Variants in DMD observed in about 807,000 individuals in gnomAD.
DMD encodes the protein dystrophin.
Under a neutral mutation model 330.1 loss-of-function variants are expected in DMD, and 63 were observed. The observed-to-expected ratio is 0.19, with a 90% CI of 0.16 to 0.24. DMD has a LOEUF of 0.24. Among genes scored for constraint, DMD ranks in the 10% least tolerant of loss-of-function variants. The probability of loss-of-function intolerance (pLI) is 1.00; values close to 1 mark genes in which losing one functional copy is unlikely to be tolerated. For synonymous variants in DMD, 1,223 were observed against 959.8 expected, an observed-to-expected ratio of 1.27 and a Z score of -5.07; for missense variants, 3,344 against 2,684.1, an observed-to-expected ratio of 1.25 and a Z score of -5.43.
Position 33,071,340 on chromosome X carries a change from A to C in DMD, c.32-51140T>G, listed in dbSNP as rs745692432. On this transcript the variant is annotated intron_variant, in intron 1 of 78. Transcript: ENST00000357033. The stretch of plus-strand genomic sequence containing the variant: ...GTGGCACATGCCTGTAGTCCCAGCT[A>C]TCTGGGAGGCAGTGGTTGCAGTGAG... Among the ~76,000 whole-genome samples, 7 of 106,573 alleles carry C rather than the reference A, an allele frequency of 6.6e-5. 1 individual carries two copies. In the South Asian group the frequency reaches 3.1e-3, roughly 47 times the overall value. 92.5% of individuals were successfully genotyped at this position (106,573 alleles called of 115,157 possible). A position where few individuals can be genotyped will look rare whatever the true frequency, so the allele number is the denominator to read the frequency against.
At chrX:31,374,588 C>G (rs1370819057) in intron 60 of DMD, among the ~76,000 whole-genome samples, 1 of 99,179 alleles carries the variant, frequency 1.0e-5, no homozygotes, top group Non-Finnish European at 2.0e-5. Context: ...GACCAAACAC[C>G]GCATGTTCTC....
At chrX:33,219,553 G>A (rs1433473748) in intron 1 of DMD, among the ~76,000 whole-genome samples, 2 of 108,519 alleles carry the variant, frequency 1.8e-5, no homozygotes, top group Non-Finnish European at 3.8e-5. Context: ...TCAGGACTTG[G>A]TACTACATAT....
intron 55 of DMD, among the ~76,000 whole-genome samples, chrX:31,544,948 T>A (rs1603350562): frequency 9.0e-6 from 1 of 111,570 alleles, no homozygotes; most frequent in Admixed American, 9.5e-5. Flanking sequence ...CATTTAATAC[T>A]CATGCTTGTT....
intron 15 of DMD, among the ~76,000 whole-genome samples, chrX:32,569,870 A>C (rs1343279297): frequency 9.0e-6 from 1 of 111,597 alleles, no homozygotes; most frequent in Non-Finnish European, 1.9e-5. Context: ...ACTCAGGAAC[A>C]GGTTTCTTCT....
At chrX:31,164,802 C>T (rs756074083) in intron 74 of DMD, among the ~76,000 whole-genome samples, 10 of 111,140 alleles carry the variant, frequency 9.0e-5, no homozygotes, top group South Asian at 7.7e-4. Flanking sequence ...AGACTAGGCA[C>T]GGAGGCAGCA....
chrX:33,089,064 A>ATTTTTT (rs747108325), intron 1 of DMD, among the ~76,000 whole-genome samples: 1 of 86,487 alleles, frequency 1.2e-5, no homozygotes, highest in African/African-American at 4.6e-5. Context: ...TACTCAATTC[A>ATTTTTT]TTTTTTTTTT....
rs765472473 is a variant in DMD at position 32,143,813 on chromosome X, G to GT, written c.6438+73102dup. On this transcript the variant is annotated intron_variant, in intron 44 of 78. Transcript: ENST00000357033. ...GATCCGCCCGCCTCGGCCTCCCAAA[G>GT]TGCTGGGATTACAGGCGTGAGCCAC... Among the ~76,000 whole-genome samples, 1,005 of 109,578 alleles carry GT rather than the reference G, an allele frequency of 9.2e-3. 8 individuals carry two copies. Among genetic ancestry groups the GT allele is most frequent in the African/African-American group, 0.03 (917 of 30,075 alleles).
intron 45 of DMD, among the ~76,000 whole-genome samples, chrX:31,958,755 A>G (rs965691694): frequency 1.8e-5 from 2 of 112,081 alleles, no homozygotes; most frequent in African/African-American, 3.2e-5. Flanking sequence ...CCATCTCTAC[A>G]TTGACAGCAA....
chrX:31,555,751 T>C (rs2074770168), intron 55 of DMD, among the ~76,000 whole-genome samples: 1 of 112,204 alleles, frequency 8.9e-6, no homozygotes, highest in Admixed American at 9.4e-5. Context: ...GGAAGGCTGA[T>C]GCAATACAGA....
At chrX:31,431,713 A>C (rs1406073362) in intron 60 of DMD, among the ~76,000 whole-genome samples, 1 of 111,729 alleles carries the variant, frequency 9.0e-6, no homozygotes, top group Non-Finnish European at 1.9e-5. Flanking sequence ...TATTATATGA[A>C]ACTAGAAGCC....
At chrX:32,687,210 G>C (rs1182124486) in intron 9 of DMD, among the ~76,000 whole-genome samples, 1 of 112,038 alleles carries the variant, frequency 8.9e-6, no homozygotes, top group African/African-American at 3.2e-5. Flanking sequence ...CCTAAAACAA[G>C]TACAGTCATC....
rs1378986231 is a variant in DMD at position 33,009,283 on chromosome X, T to C, written c.93+10856A>G. Among the ~76,000 whole-genome samples the C allele has an allele frequency of 4.9e-3, 290 of 59,120 alleles. 55 individuals are homozygous for C. The highest frequency in any genetic ancestry group is 0.011 in the African/African-American group (174 of 16,024). The allele number at this position is 59,120 out of a possible 115,157, so 51.3% of individuals were successfully genotyped here. A position where few individuals can be genotyped will look rare whatever the true frequency, so the allele number is the denominator to read the frequency against. On this transcript the variant is annotated intron_variant, in intron 2 of 78. Coordinates refer to ENST00000357033, the MANE Select transcript of DMD (RefSeq NM_004006.3). ...ATGTGTGTATATATACACATATGTGTATGTGTGTATATGTGTATATACACA... is the reference window on the plus strand; with the variant it reads ...ATGTGTGTATATATACACATATGTGCATGTGTGTATATGTGTATATACACA...
intron 9 of DMD, among the ~76,000 whole-genome samples, chrX:32,692,883 C>G (rs774988569): frequency 2.1e-4 from 23 of 111,737 alleles, no homozygotes; most frequent in African/African-American, 7.5e-4. Flanking sequence ...TGAGAACTTA[C>G]AATGTGCTTA....
At chrX:32,459,495 G>A (rs572312815) in intron 25 of DMD, among the ~76,000 whole-genome samples, 3 of 110,846 alleles carry the variant, frequency 2.7e-5, no homozygotes, top group South Asian at 3.8e-4. Flanking sequence ...TATGTACCTC[G>A]TTTATATGCC....
intron 2 of DMD, among the ~76,000 whole-genome samples, chrX:32,867,576 A>G (rs777301195): frequency 3.6e-5 from 4 of 112,268 alleles, no homozygotes; most frequent in Non-Finnish European, 7.5e-5. Flanking sequence ...TACAAAAGGT[A>G]CCTAATTCAG....
chrX:32,172,710 T>C (rs1431907807), intron 44 of DMD, among the ~76,000 whole-genome samples: 1 of 112,062 alleles, frequency 8.9e-6, no homozygotes, highest in Non-Finnish European at 1.9e-5. Flanking sequence ...ATGAGATCAC[T>C]AAGGCCAGAA....
intron 63 of DMD, among the ~76,000 whole-genome samples, chrX:31,241,982 C>T (rs756833741): frequency 3.3e-4 from 37 of 110,973 alleles, no homozygotes; most frequent in African/African-American, 9.5e-4. Context: ...AGTGGCCAGG[C>T]GCGGTGGCTC....
chrX:31,908,927 A>G (rs1241959271), intron 47 of DMD, among the ~76,000 whole-genome samples: 1 of 112,013 alleles, frequency 8.9e-6, no homozygotes, highest in Admixed American at 9.4e-5. Context: ...AGAAGCACGT[A>G]TAAAAATGGT....
chrX:32,457,879 T>TAC (rs2148377686), intron 25 of DMD, among the ~76,000 whole-genome samples: 1 of 110,324 alleles, frequency 9.1e-6, no homozygotes, highest in South Asian at 3.9e-4. Flanking sequence ...TTACTATAAA[T>TAC]TTAAAGCCAC....
Sources: gnomAD v4.1 joint callset for allele counts (sites outside exome capture counted in the v4.1 genomes callset) on GRCh38, gnomAD v4.1.1 for gene constraint, MANE v1.5 for transcripts, NCBI Gene and HGNC (gene_info 2026-07-23, HGNC 2026-07-21) for gene names.